PPP1R9A: variants seen among roughly 807,000 people sequenced by gnomAD.
The protein encoded by PPP1R9A is protein phosphatase 1 regulatory subunit 9A.
In PPP1R9A, 59 loss-of-function variants were observed where a neutral mutation model predicts 141.9. That is an observed-to-expected ratio of 0.42 (90% CI 0.34 to 0.52). The LOEUF is 0.52. Ranked by LOEUF, PPP1R9A falls within the 20% of genes least tolerant of loss-of-function variation. The pLI is 0.10. For missense variants in PPP1R9A, 1,444 were observed against 1,611.9 expected, an observed-to-expected ratio of 0.90 and a Z score of 1.78; for synonymous variants, 500 against 569.7, an observed-to-expected ratio of 0.88 and a Z score of 1.74.
chr7:94,934,922 G>T (rs556004652), intron 2 of PPP1R9A, among the ~76,000 whole-genome samples: 1 of 152,036 alleles, frequency 6.6e-6, no homozygotes, highest in African/African-American at 2.4e-5. Flanking sequence ...TCACAGGTGT[G>T]GTCATAATTC....
Position 94,911,272 on chromosome 7 carries a change from T to G in PPP1R9A, c.1159T>G (p.Ser387Ala). The G allele has an allele frequency of 6.8e-6, 11 of 1,614,136 alleles. No individual in the cohort carries two copies. The highest frequency in any genetic ancestry group is 9.3e-6 in the Non-Finnish European group (11 of 1,180,018). The change falls in exon 2 of 20, where the codon TCA becomes GCA. Residue 387 changes from serine (S) to alanine (A), a missense_variant. Around this residue, in one of 5 missense-constraint regions of PPP1R9A, gnomAD observed 490 missense variants for 521.1 expected, o/e 0.94. Coordinates refer to ENST00000433360, the MANE Select transcript of PPP1R9A (RefSeq NM_001166160.2). ...TTGTGGAAAAGAAGTACCTGAAGAT[T>G]CAAATAATTTTGATGGTTCCCATGT... ...SSCGKEVPED[S>A]NNFDGSHVYM... is the part of the protein sequence containing the mutation.
chr7:95,085,414 A>T (rs891223449), intron 2 of PPP1R9A, among the ~76,000 whole-genome samples: 6 of 139,718 alleles, frequency 4.3e-5, no homozygotes, highest in Admixed American at 3.7e-4. Flanking sequence ...AGAAAAAAAA[A>T]TTTTTGGTTT....
chr7:95,120,461 C>A (rs1168916547), intron 3 of PPP1R9A, among the ~76,000 whole-genome samples: 1 of 152,166 alleles, frequency 6.6e-6, no homozygotes, highest in Admixed American at 6.5e-5. Flanking sequence ...CAAGTTGTTA[C>A]CTTTTCTTGA....
At position 94,910,062 on chromosome 7, in the gene PPP1R9A, G is replaced by T; in HGVS notation, c.-52G>T. The T allele has an allele frequency of 6.6e-7, 1 of 1,506,730 alleles. No homozygotes were observed. The highest frequency in any genetic ancestry group is 2.1e-5 in the Admixed American group (1 of 47,254). The allele number at this position is 1,506,730 out of a possible 1,614,324, so 93.3% of individuals were successfully genotyped here. ...AGAGAAGAGAGGTATCTTGGTTTTT[G>T]GTTTTTTTCTTTGATCATTATGAAC... On this transcript the variant is annotated 5_prime_UTR_variant, in exon 2 of 20. Transcript: ENST00000433360. The surrounding 1 kb of genome is among the most constrained non-coding windows in gnomAD (Gnocchi z 4.5).
intron 2 of PPP1R9A, among the ~76,000 whole-genome samples, chr7:94,945,541 A>G (rs1795805894): frequency 6.6e-6 from 1 of 152,122 alleles, no homozygotes; most frequent in Admixed American, 6.6e-5. Context: ...TAGTCACTTC[A>G]TATTTATGCC....
chr7:94,990,811 C>T (rs1440305330), intron 2 of PPP1R9A, among the ~76,000 whole-genome samples: 2 of 151,938 alleles, frequency 1.3e-5, no homozygotes, highest in African/African-American at 4.8e-5. Context: ...GTTTAACTTT[C>T]TGTTTTTGGC....
rs116956339 is a variant in PPP1R9A, at chr7:95,117,343, G to T, written c.1529-3369G>T. ...AGGTTCCAGACTTCACTCAGAGAAA[G>T]CTGTATGTAAATAAGATGCTGGAGA... On this transcript the variant is annotated intron_variant, in intron 3 of 19. Coordinates refer to ENST00000433360, the MANE Select transcript of PPP1R9A (RefSeq NM_001166160.2). Among the ~76,000 whole-genome samples the T allele has an allele frequency of 5.3e-4, 80 of 152,238 alleles. 1 individual carries two copies. In the East Asian group the frequency reaches 0.015, roughly 28 times the overall value.
At chr7:95,183,623 A>G (rs10261988) in intron 5 of PPP1R9A, among the ~76,000 whole-genome samples, 3 of 150,622 alleles carry the variant, frequency 2.0e-5, no homozygotes, top group African/African-American at 7.3e-5. Context: ...GCTTTTTTGT[A>G]TTTTTAGTAG....
chr7:95,237,097 A>G (rs1294720587), intron 8 of PPP1R9A, among the ~76,000 whole-genome samples: 7 of 150,954 alleles, frequency 4.6e-5, no homozygotes, highest in Non-Finnish European at 8.9e-5. Context: ...TTTTTATTTA[A>G]TAATCCTCAT....
chr7:95,250,888 A>G (rs536466859), intron 10 of PPP1R9A, among the ~76,000 whole-genome samples: 19 of 151,810 alleles, frequency 1.3e-4, no homozygotes, highest in Non-Finnish European at 2.5e-4. Flanking sequence ...TCTCGGTGTA[A>G]TGTCACGGAG....
At chr7:95,124,616 T>G (rs948844166) in intron 4 of PPP1R9A, among the ~76,000 whole-genome samples, 33 of 152,296 alleles carry the variant, frequency 2.2e-4, no homozygotes, top group African/African-American at 7.5e-4. Flanking sequence ...GAATTAAAGT[T>G]CTGGGTTAGA....
intron 4 of PPP1R9A, among the ~76,000 whole-genome samples, chr7:95,139,464 C>A (rs978953333): frequency 3.3e-5 from 5 of 152,100 alleles, no homozygotes; most frequent in African/African-American, 1.2e-4. Context: ...TATCACAACT[C>A]AAATTTCTAT....
chr7:95,016,439 C>G (rs1214453011), intron 2 of PPP1R9A, among the ~76,000 whole-genome samples: 1 of 151,912 alleles, frequency 6.6e-6, no homozygotes, highest in Non-Finnish European at 1.5e-5. Context: ...AAAAATCTAT[C>G]ATGAATGTAA....
At chr7:95,195,331 A>G (rs1241084986) in intron 5 of PPP1R9A, among the ~76,000 whole-genome samples, 1 of 147,440 alleles carries the variant, frequency 6.8e-6, no homozygotes, top group African/African-American at 2.5e-5. Flanking sequence ...CCCAGTCTGG[A>G]GGGCATTGGT....
chr7:95,032,115 G>A (rs1807773886), intron 2 of PPP1R9A, among the ~76,000 whole-genome samples: 1 of 152,152 alleles, frequency 6.6e-6, no homozygotes, highest in Non-Finnish European at 1.5e-5. Flanking sequence ...GGGAAACTGA[G>A]TCCCAGAATT....
chr7:95,148,917 A>C (rs1237718067), intron 4 of PPP1R9A, among the ~76,000 whole-genome samples: 1 of 152,130 alleles, frequency 6.6e-6, no homozygotes. Context: ...AAAGTAAACT[A>C]TAGATTAATA....
chr7:95,031,331 A>G (rs1204085911), intron 2 of PPP1R9A, among the ~76,000 whole-genome samples: 1 of 152,196 alleles, frequency 6.6e-6, no homozygotes, highest in African/African-American at 2.4e-5. Flanking sequence ...TACCTCTAAT[A>G]AGTAAAAATA....
At chr7:95,243,438 C>T (rs1797726600) in intron 8 of PPP1R9A, among the ~76,000 whole-genome samples, 2 of 152,058 alleles carry the variant, frequency 1.3e-5, no homozygotes, top group South Asian at 4.1e-4. Flanking sequence ...GCTTTCTAAG[C>T]TTCATTAATA....
intron 10 of PPP1R9A, among the ~76,000 whole-genome samples, chr7:95,251,417 G>A (rs1406835010): frequency 1.3e-5 from 2 of 151,888 alleles, no homozygotes; most frequent in African/African-American, 4.8e-5. Context: ...TTATGACATT[G>A]GAAAAATGGA....
Sources: gnomAD v4.1 joint callset for allele counts (sites outside exome capture counted in the v4.1 genomes callset) on GRCh38, gnomAD v4.1.1 for gene constraint, gnomAD v4.1.1 regional missense constraint, Gnocchi (gnomAD v3.1) non-coding constraint, MANE v1.5 for transcripts, NCBI Gene and HGNC (gene_info 2026-07-23, HGNC 2026-07-21) for gene names.